The following TEX9 variants were observed in gnomAD, a reference collection of about 807,000 sequenced individuals.
TEX9 encodes the protein testis-expressed protein 9.
TEX9 carries 74 observed loss-of-function variants against 59.6 expected under a neutral mutation model. The ratio of observed to expected loss-of-function variants is 1.24; its 90% CI spans 1.03 to 1.51. The LOEUF is 1.51. Ranked by LOEUF, TEX9 falls within the 40% of genes most tolerant of loss-of-function variation. The pLI is 0.00. For missense variants in TEX9, 522 were observed against 447.8 expected, an observed-to-expected ratio of 1.17 and a Z score of -1.49; for synonymous variants, 186 against 152.2, an observed-to-expected ratio of 1.22 and a Z score of -1.64.
At chr15:56,458,038 A>G in the TEX9 span, among the ~76,000 whole-genome samples, 1 of 152,230 alleles carries the variant, frequency 6.6e-6, no homozygotes, top group African/African-American at 2.4e-5. Flanking sequence ...CTACTCAGCA[A>G]TAAAAAGAAA....
At chr15:56,448,849 G>A (rs1431548761), downstream of TEX9, among the ~76,000 whole-genome samples, 1 of 150,896 alleles carries the variant, frequency 6.6e-6, no homozygotes, top group East Asian at 1.9e-4. Context: ...CGCCACCCAG[G>A]TTCACGCGAT....
At chr15:56,259,733 T>C (rs1294029146) in intron 1 of TEX9, among the ~76,000 whole-genome samples, 1 of 152,104 alleles carries the variant, frequency 6.6e-6, no homozygotes, top group Non-Finnish European at 1.5e-5. Flanking sequence ...TGCATTTCCA[T>C]ATAACTTTTT....
intron 10 of TEX9, among the ~76,000 whole-genome samples, chr15:56,417,584 T>G (rs1461274372): frequency 1.3e-5 from 2 of 151,886 alleles, no homozygotes; most frequent in Non-Finnish European, 2.9e-5. Context: ...CTTTTACATT[T>G]GTTGAGGATT....
chr15:56,427,528 G>T lies in TEX9; in HGVS notation c.964-77G>T, dbSNP rs1385409469. On this transcript the variant is annotated intron_variant, in intron 10 of 12. Coordinates refer to ENST00000352903, the Ensembl canonical transcript of TEX9. ...GTTTAAGAAAGTACTTTTTATTACT[G>T]TTGTGATGATAGTCTATAATTCTTT... is the stretch of plus-strand genomic sequence containing the variant. 10 of 1,032,638 alleles carry T rather than the reference G, an allele frequency of 9.7e-6. No individual in the cohort carries two copies. The African/African-American group carries it at 1.2e-4, about 12-fold the overall frequency. 64.0% of individuals were successfully genotyped at this position (1,032,638 alleles called of 1,614,324 possible). A position where few individuals can be genotyped will look rare whatever the true frequency, so the allele number is the denominator to read the frequency against.
intron 7 of TEX9, among the ~76,000 whole-genome samples, chr15:56,392,955 A>G (rs555452799): frequency 3.9e-5 from 6 of 152,160 alleles, no homozygotes; most frequent in Non-Finnish European, 8.8e-5. Context: ...ATTGCTTGGA[A>G]TGGTTTGGTT....
At chr15:56,320,683 T>G (rs1290400579) in intron 1 of TEX9, among the ~76,000 whole-genome samples, 1 of 152,202 alleles carries the variant, frequency 6.6e-6, no homozygotes, top group Non-Finnish European at 1.5e-5. Context: ...ATATGTTGTG[T>G]ATGCTTGCTG....
chr15:56,411,532 G>GATAC lies in TEX9; in HGVS notation c.829-770_829-769insATAC, dbSNP rs2049342998. 2.6e-5 allele frequency among the ~76,000 whole-genome samples: 4 copies of GATAC among 151,718 alleles called. No individual in the cohort carries two copies. In the East Asian group the frequency reaches 5.8e-4, roughly 22 times the overall value. On this transcript the variant is annotated intron_variant, in intron 9 of 12. Transcript: ENST00000352903. ...AGGTGCTAGCTATGTGAAAATGAGTGGGCAGAGATCAGGGCAGGAGGAAGA... is the reference window on the plus strand; with the variant it reads ...AGGTGCTAGCTATGTGAAAATGAGTGATACGGCAGAGATCAGGGCAGGAGGAAGA...
At chr15:56,383,354 A>G (rs1366688022) in intron 3 of TEX9, among the ~76,000 whole-genome samples, 1 of 152,210 alleles carries the variant, frequency 6.6e-6, no homozygotes, top group Non-Finnish European at 1.5e-5. Context: ...AAAACCAGGT[A>G]CTGTGTTTGC....
At chr15:56,280,490 A>G (rs532728790) in intron 1 of TEX9, among the ~76,000 whole-genome samples, 7 of 152,352 alleles carry the variant, frequency 4.6e-5, no homozygotes, top group African/African-American at 1.4e-4. Flanking sequence ...ATAATGATAG[A>G]TATAACTTCT....
chr15:56,452,940 T>G, the TEX9 span, among the ~76,000 whole-genome samples: 1 of 152,188 alleles, frequency 6.6e-6, no homozygotes, highest in Admixed American at 6.5e-5. Context: ...AAGGAGGACT[T>G]TCTAAGATAG....
intron 1 of TEX9, among the ~76,000 whole-genome samples, chr15:56,333,475 G>GAT (rs1555434032): frequency 1.3e-4 from 2 of 15,948 alleles, no homozygotes; most frequent in East Asian, 6.1e-3. Flanking sequence ...ACTCCTTCAT[G>GAT]ATAAAAAAAA....
intron 1 of TEX9, among the ~76,000 whole-genome samples, chr15:56,342,459 A>G (rs1251930598): frequency 1.3e-5 from 2 of 151,698 alleles, no homozygotes; most frequent in African/African-American, 2.4e-5. Flanking sequence ...ACTTCTATCA[A>G]CCTGTGTGTG....
intron 1 of TEX9, among the ~76,000 whole-genome samples, chr15:56,266,303 T>C (rs1297296077): frequency 1.3e-5 from 2 of 151,904 alleles, no homozygotes; most frequent in Admixed American, 6.6e-5. Flanking sequence ...ATTTTGTATT[T>C]TTAGTAGAGA....
At chr15:56,429,065 T>C in intron 12 of TEX9, 1 of 1,374,516 alleles carries the variant, frequency 7.3e-7, no homozygotes, top group Non-Finnish European at 1.0e-6. Flanking sequence ...AGTGGTAACA[T>C]GCAAAAAATC....
At chr15:56,274,634 C>A (rs548677370) in intron 1 of TEX9, 2 of 152,218 alleles carry the variant, frequency 1.3e-5, no homozygotes, top group African/African-American at 2.4e-5. Flanking sequence ...CCAAAGTGAG[C>A]ACTTTCCTAA....
chr15:56,249,742 C>CAAAAAAAAA (rs11440856), intron 1 of TEX9, among the ~76,000 whole-genome samples: 6 of 25,474 alleles, frequency 2.4e-4, no homozygotes, highest in Admixed American at 5.0e-4. Flanking sequence ...GGATCTGTCT[C>CAAAAAAAAA]AAAAAAAAAA....
intron 1 of TEX9, among the ~76,000 whole-genome samples, chr15:56,346,238 A>C (rs2046467526): frequency 6.6e-6 from 1 of 152,158 alleles, no homozygotes; most frequent in African/African-American, 2.4e-5. Flanking sequence ...AAGATGCCTC[A>C]GAGAGGCAGG....
the TEX9 span, chr15:56,456,346 G>C: frequency 6.5e-7 from 1 of 1,549,158 alleles, no homozygotes; most frequent in South Asian, 1.2e-5. Flanking sequence ...TTACATAAGA[G>C]TTTAAAGATA....
chr15:56,284,208 C>G (rs554324639), intron 1 of TEX9, among the ~76,000 whole-genome samples: 2 of 152,146 alleles, frequency 1.3e-5, no homozygotes, highest in Admixed American at 1.3e-4. Context: ...TGTGGCCTGG[C>G]TGGCATTCAA....
Sources: gnomAD v4.1 joint callset for allele counts (sites outside exome capture counted in the v4.1 genomes callset) on GRCh38, gnomAD v4.1.1 for gene constraint, MANE v1.5 for transcripts, NCBI Gene and HGNC (gene_info 2026-07-23, HGNC 2026-07-21) for gene names.